The following GRIK3 variants were observed in gnomAD, a reference collection of about 807,000 sequenced individuals.
GRIK3 encodes the protein glutamate receptor ionotropic, kainate 3.
Under a neutral mutation model 102.5 loss-of-function variants are expected in GRIK3, and 29 were observed. The ratio of observed to expected loss-of-function variants is 0.28; its 90% CI spans 0.21 to 0.39. GRIK3 has a LOEUF of 0.39. Ranked by LOEUF, GRIK3 falls within the 10% of genes least tolerant of loss-of-function variation. GRIK3 has a pLI of 1.00. For missense variants in GRIK3, 908 were observed against 1,252.4 expected, an observed-to-expected ratio of 0.73 and a Z score of 4.15; for synonymous variants, 511 against 504.9, an observed-to-expected ratio of 1.01 and a Z score of -0.16.
chr1:36,848,120 T>C (rs951298989), intron 9 of GRIK3, among the ~76,000 whole-genome samples: 2 of 152,246 alleles, frequency 1.3e-5, no homozygotes, highest in South Asian at 4.1e-4. Flanking sequence ...ATTCTGCCTC[T>C]GCTTATGTAG....
In GRIK3 at chr1:36,817,146, G is replaced by A. The variant is rs141202623; in HGVS notation, c.2005C>T (p.Pro669Ser). 6.2e-7 allele frequency: 1 copy of A among 1,614,094 alleles called. No individual in the cohort carries two copies. Among genetic ancestry groups the A allele is most frequent in the Non-Finnish European group, 8.5e-7 (1 of 1,179,962 alleles). ...GCCAGGTCATCAGCAGAGTCAATGG[G>A]TGATTCCATGCGCTCCACGGTCAGA... ...AFLTVERMES[P>S]IDSADDLAKQ... The change falls in exon 13 of 16, where the codon CCC becomes TCC. Residue 669 changes from proline to serine, a missense_variant. Physicochemically the swap from Pro to Ser is moderately conservative, Grantham distance 74. Transcript: ENST00000373091.
At chr1:36,970,606 C>T (rs1642130393) in intron 1 of GRIK3, among the ~76,000 whole-genome samples, 1 of 152,130 alleles carries the variant, frequency 6.6e-6, no homozygotes, top group Admixed American at 6.5e-5. Context: ...TACCACTATG[C>T]CATTTTCTCT....
At chr1:37,032,083 G>T in intron 1 of GRIK3, among the ~76,000 whole-genome samples, 1 of 152,196 alleles carries the variant, frequency 6.6e-6, no homozygotes, top group East Asian at 1.9e-4. Flanking sequence ...AGAGAGGAGG[G>T]CTCTGCCATC....
chr1:36,989,807 A>G (rs1018431254), intron 1 of GRIK3, among the ~76,000 whole-genome samples: 2 of 152,174 alleles, frequency 1.3e-5, no homozygotes, highest in African/African-American at 2.4e-5. Flanking sequence ...GCCCTAACCC[A>G]TAGCCTCTCC....
chr1:36,850,480 TC>T lies in GRIK3; in HGVS notation c.1213-57del. 1 of 1,009,026 alleles carries T rather than the reference TC, an allele frequency of 9.9e-7. No individual in the cohort carries two copies. The highest frequency in any genetic ancestry group is 1.6e-6 in the Non-Finnish European group (1 of 630,550). 62.5% of individuals were successfully genotyped at this position (1,009,026 alleles called of 1,614,324 possible). ...CGAGTCCTTGGTCTACCCATCTTCC[TC>T]CATATCGACAAGACCTTCATCTCAT... is the stretch of plus-strand genomic sequence containing the variant. On this transcript the variant is annotated intron_variant, in intron 8 of 15. Coordinates refer to ENST00000373091, the MANE Select transcript of GRIK3 (RefSeq NM_000831.4). The surrounding 1 kb of genome is among the most constrained non-coding windows in gnomAD (Gnocchi z 4.0).
intron 1 of GRIK3, among the ~76,000 whole-genome samples, chr1:36,938,908 G>A (rs185481837): frequency 1.2e-3 from 176 of 152,278 alleles, no homozygotes; most frequent in African/African-American, 4.0e-3. Flanking sequence ...TTCTGGCCTC[G>A]TGGGGAAGCC....
At position 36,843,037 on chromosome 1, in the gene GRIK3, G is replaced by A. The variant is rs116678133; in HGVS notation, c.1327-1098C>T. Among the ~76,000 whole-genome samples the A allele has an allele frequency of 1.3e-3, 195 of 152,178 alleles. 1 individual carries two copies. Among genetic ancestry groups the A allele is most frequent in the African/African-American group, 4.5e-3 (186 of 41,518 alleles). The stretch of plus-strand genomic sequence containing the variant: ...GGCTTCTTTCTTTCTGGGTGATAGG[G>A]AGCCTGGGACCGGATTTGAACAGAG... On this transcript the variant is annotated intron_variant, in intron 9 of 15. Coordinates refer to ENST00000373091, the MANE Select transcript of GRIK3 (RefSeq NM_000831.4).
chr1:36,935,714 T>G (rs1181673683), intron 1 of GRIK3, among the ~76,000 whole-genome samples: 1 of 152,224 alleles, frequency 6.6e-6, no homozygotes, highest in Non-Finnish European at 1.5e-5. Flanking sequence ...AAGCTGAATA[T>G]GCATTATTTA....
rs547733232 is a variant in GRIK3, at chr1:36,819,270, C to T, written c.1873+466G>A. On this transcript the variant is annotated intron_variant, in intron 12 of 15. Coordinates refer to ENST00000373091, the MANE Select transcript of GRIK3 (RefSeq NM_000831.4). The surrounding 1 kb of genome is among the most constrained non-coding windows in gnomAD (Gnocchi z 4.1). ...CTGAAGCTCTCTTAGTCCATTTCTG[C>T]CTTCCACTCCCAGGGCCACCACGAG... Among the ~76,000 whole-genome samples, 96 of 152,344 alleles carry T rather than the reference C, an allele frequency of 6.3e-4. No homozygotes were observed. Among genetic ancestry groups the T allele is most frequent in the Middle Eastern group, 3.4e-3 (1 of 294 alleles).
intron 9 of GRIK3, among the ~76,000 whole-genome samples, chr1:36,848,923 A>G (rs1255446113): frequency 6.7e-6 from 1 of 148,844 alleles, no homozygotes; most frequent in Non-Finnish European, 1.5e-5. Flanking sequence ...GGAAGAAGAT[A>G]GTAGGGGTCT....
chr1:36,812,632 A>AT (rs5773546), intron 13 of GRIK3, among the ~76,000 whole-genome samples: 29,728 of 151,926 alleles, frequency 0.2, 3,524 homozygotes, highest in African/African-American at 0.33. Context: ...TTCAAATGAA[A>AT]TTCCTCTGGA....
chr1:36,941,283 C>T (rs1399497333), intron 1 of GRIK3, among the ~76,000 whole-genome samples: 9 of 152,254 alleles, frequency 5.9e-5, no homozygotes, highest in African/African-American at 2.2e-4. Flanking sequence ...GCCAGACACA[C>T]AGCTGGGCAG....
At chr1:36,876,306 A>AT (rs1338231347) in intron 3 of GRIK3, among the ~76,000 whole-genome samples, 2 of 152,180 alleles carry the variant, frequency 1.3e-5, no homozygotes, top group Admixed American at 6.5e-5. Context: ...GCCAGGAGCC[A>AT]TGATTGTGCC....
chr1:36,972,470 T>C (rs2124358910), intron 1 of GRIK3, among the ~76,000 whole-genome samples: 1 of 149,236 alleles, frequency 6.7e-6, no homozygotes, highest in Non-Finnish European at 1.5e-5. Flanking sequence ...ACAGAGAGAG[T>C]GGAAGGGGTA....
chr1:36,815,647 C>G (rs1291676118), intron 13 of GRIK3, among the ~76,000 whole-genome samples: 1 of 152,202 alleles, frequency 6.6e-6, no homozygotes, highest in Non-Finnish European at 1.5e-5. Context: ...AGAACCTGGA[C>G]CAGCAGCTGC....
chr1:37,032,208 T>G (rs1000277517), intron 1 of GRIK3, among the ~76,000 whole-genome samples: 3 of 152,142 alleles, frequency 2.0e-5, no homozygotes, highest in Non-Finnish European at 4.4e-5. Flanking sequence ...TAAGGATACA[T>G]CATCCTGCGC....
intron 1 of GRIK3, among the ~76,000 whole-genome samples, chr1:37,002,567 C>A (rs1159002514): frequency 6.6e-6 from 1 of 152,120 alleles, no homozygotes; most frequent in South Asian, 2.1e-4. Flanking sequence ...TGTGTTTCAT[C>A]ATCATGTCTT....
At chr1:36,989,812 C>T (rs1570849371) in intron 1 of GRIK3, among the ~76,000 whole-genome samples, 1 of 152,298 alleles carries the variant, frequency 6.6e-6, no homozygotes. Context: ...AACCCATAGC[C>T]TCTCCCATCC....
At chr1:36,846,328 G>A (rs1640519030) in intron 9 of GRIK3, among the ~76,000 whole-genome samples, 1 of 152,212 alleles carries the variant, frequency 6.6e-6, no homozygotes, top group Non-Finnish European at 1.5e-5. Context: ...TCTGTCCAGG[G>A]TAAGGCATCT....
Sources: allele counts gnomAD v4.1 joint callset (sites outside exome capture counted in the v4.1 genomes callset), GRCh38; gene constraint gnomAD v4.1.1; non-coding constraint Gnocchi (gnomAD v3.1); transcripts MANE v1.5; gene names NCBI Gene and HGNC (gene_info 2026-07-23, HGNC 2026-07-21).